The following GPR148 variants were observed in gnomAD, a reference collection of about 807,000 sequenced individuals.
The protein encoded by GPR148 is probable G protein-coupled receptor 148.
For missense variants in GPR148, 424 were observed against 435.3 expected (o/e 0.97, Z 0.23); for synonymous variants, 173 against 187.9 (o/e 0.92, Z 0.65).
chr2:130,729,793 C>A lies in GPR148; in HGVS notation c.642C>A (p.Gly214=), dbSNP rs1371311433. 1 of 1,610,972 alleles carries A rather than the reference C, an allele frequency of 6.2e-7. No individual in the cohort carries two copies. The highest frequency in any genetic ancestry group is 2.2e-5 in the East Asian group (1 of 44,808). The change falls in exon 1 of 1, where the codon GGC becomes GGA. Residue 214 remains glycine, a synonymous_variant. Transcript: ENST00000309926. ...GCATGGGCACCCAGCCGGGATGTGG[C>A]CTCCTGGTCATTGTTACCTACACCT... ...PPSMGTQPGC[G]LLVIVTYTSI... is the part of the protein sequence containing the mutation.
rs749927843 is a variant in GPR148 at position 130,729,210 on chromosome 2, A to G, written c.59A>G (p.Gln20Arg). ...VGTTAWPALI[Q>R]LISKTPCMPQ... ...ACTACAGCTTGGCCGGCCCTGATCC[A>G]GCTCATCAGCAAGACACCCTGCATG... The change falls in exon 1 of 1, where the codon CAG becomes CGG. Residue 20 changes from glutamine to arginine, a missense_variant. By Grantham distance (43) the Gln-to-Arg change is conservative (BLOSUM62 1). Coordinates refer to ENST00000309926, the MANE Select transcript of GPR148 (RefSeq NM_207364.2). The G allele has an allele frequency of 6.3e-7, 1 of 1,583,918 alleles. No homozygotes were observed. Among genetic ancestry groups the G allele is most frequent in the Non-Finnish European group, 8.6e-7 (1 of 1,162,782 alleles).
Position 130,729,553 on chromosome 2 carries a change from C to T in GPR148, c.402C>T (p.Ser134=). 1 of 1,614,194 alleles carries T rather than the reference C, an allele frequency of 6.2e-7. No individual in the cohort carries two copies. Among genetic ancestry groups the T allele is most frequent in the Non-Finnish European group, 8.5e-7 (1 of 1,180,042 alleles). The change falls in exon 1 of 1, where the codon AGC becomes AGT. Residue 134 remains serine (S), a synonymous_variant. Transcript: ENST00000309926. The stretch of plus-strand genomic sequence containing the variant: ...ATGCTGTCTTCGCCGCCTGCACCAG[C>T]ACCATCCTGTCCTTCACCGCCATTG... The part of the protein sequence containing the change: ...LTDAVFAACT[S]TILSFTAIVL...
chr2:130,730,153 C>T lies in GPR148; in HGVS notation c.1002C>T (p.His334=). The T allele has an allele frequency of 6.2e-7, 1 of 1,613,680 alleles. No individual in the cohort carries two copies. The highest frequency in any genetic ancestry group is 1.1e-5 in the South Asian group (1 of 90,960). ...YRQLLGMVRG[H]LPSRRHQAIF... is the part of the protein sequence containing the mutation. ...AGCTGTTGGGCATGGTCCGGGGCCACCTCCCATCCAGGAGGCACCAGGCCA... is the reference window on the plus strand; with the variant it reads ...AGCTGTTGGGCATGGTCCGGGGCCATCTCCCATCCAGGAGGCACCAGGCCA... Residue 334 remains histidine (H), a synonymous_variant, in exon 1 of 1, where the codon CAC becomes CAT. Transcript: ENST00000309926.
chr2:130,729,192 C>G lies in GPR148; in HGVS notation c.41C>G (p.Ala14Gly), dbSNP rs80008074. The G allele has an allele frequency of 0.031, 47,618 of 1,560,780 alleles. 1,661 individuals are homozygous for G. Among genetic ancestry groups the G allele is most frequent in the African/African-American group, 0.18 (13,064 of 73,922 alleles). Residue 14 changes from alanine (A) to glycine (G), a missense_variant, in exon 1 of 1, where the codon GCT becomes GGT. Transcript: ENST00000309926. Reference protein sequence around the residue: ...ELAPCPVGTTAWPALIQLISK... With the variant: ...ELAPCPVGTTGWPALIQLISK... ...GCACCTTGCCCTGTGGGCACTACAGCTTGGCCGGCCCTGATCCAGCTCATC... is the reference window on the plus strand; with the variant it reads ...GCACCTTGCCCTGTGGGCACTACAGGTTGGCCGGCCCTGATCCAGCTCATC...
rs753546027 is a variant in GPR148 at position 130,729,554 on chromosome 2, A to T, written c.403A>T (p.Thr135Ser). 6.2e-7 allele frequency: 1 copy of T among 1,614,122 alleles called. No homozygotes were observed. The highest frequency in any genetic ancestry group is 8.5e-7 in the Non-Finnish European group (1 of 1,180,042). ...TDAVFAACTS[T>S]ILSFTAIVLH... ...TGCTGTCTTCGCCGCCTGCACCAGC[A>T]CCATCCTGTCCTTCACCGCCATTGT... Residue 135 changes from threonine (T) to serine (S), a missense_variant, in exon 1 of 1, where the codon ACC becomes TCC. By Grantham distance (58) the Thr-to-Ser change is moderately conservative. Transcript: ENST00000309926.
rs1251411319 is a variant in GPR148 at position 130,729,844 on chromosome 2, C to T, written c.693C>T (p.Cys231=). 6.3e-7 allele frequency: 1 copy of T among 1,595,776 alleles called. No homozygotes were observed. Among genetic ancestry groups the T allele is most frequent in the Non-Finnish European group, 8.6e-7 (1 of 1,168,912 alleles). Residue 231 remains cysteine (C), a synonymous_variant, in exon 1 of 1, where the codon TGC becomes TGT. Coordinates refer to ENST00000309926, the MANE Select transcript of GPR148 (RefSeq NM_207364.2). ...CCATTCTGTGCGTTCTGTTCCTCTG[C>T]ACAGCTCTCATTGCCAACTGTTTCT... The part of the protein sequence containing the change: ...YTSILCVLFL[C]TALIANCFWR...
chr2:130,729,191 G>T lies in GPR148; in HGVS notation c.40G>T (p.Ala14Ser). 1.9e-6 allele frequency: 3 copies of T among 1,560,556 alleles called. No individual in the cohort carries two copies. The highest frequency in any genetic ancestry group is 2.6e-6 in the Non-Finnish European group (3 of 1,150,692). ...GGCACCTTGCCCTGTGGGCACTACA[G>T]CTTGGCCGGCCCTGATCCAGCTCAT... ...ELAPCPVGTT[A>S]WPALIQLISK... Residue 14 changes from alanine to serine, a missense_variant, in exon 1 of 1, where the codon GCT becomes TCT. Physicochemically the swap from Ala to Ser is moderately conservative, Grantham distance 99. Coordinates refer to ENST00000309926, the MANE Select transcript of GPR148 (RefSeq NM_207364.2).
chr2:130,729,221 A>G lies in GPR148; in HGVS notation c.70A>G (p.Lys24Glu), dbSNP rs751386900. Residue 24 changes from lysine to glutamate, a missense_variant, in exon 1 of 1, where the codon AAG becomes GAG. By Grantham distance (56) the Lys-to-Glu change is moderately conservative (BLOSUM62 1). Transcript: ENST00000309926. The part of the protein sequence containing the change: ...AWPALIQLIS[K>E]TPCMPQAASN... ...GCCGGCCCTGATCCAGCTCATCAGC[A>G]AGACACCCTGCATGCCCCAAGCAGC... The G allele has an allele frequency of 1.9e-6, 3 of 1,595,074 alleles. No individual in the cohort carries two copies. Among genetic ancestry groups the G allele is most frequent in the South Asian group, 1.1e-5 (1 of 87,944 alleles).
rs980781164 is a variant in GPR148, at chr2:130,730,259, C to T, written c.*64C>T. 6 of 1,315,932 alleles carry T rather than the reference C, an allele frequency of 4.6e-6. No homozygotes were observed. The African/African-American group carries it at 7.3e-5, about 16-fold the overall frequency. The allele number at this position is 1,315,932 out of a possible 1,614,324, so 81.5% of individuals were successfully genotyped here. The stretch of plus-strand genomic sequence containing the variant: ...ATCATATGTTGAATGCAGCAGTGTC[C>T]ACTTATGACTAACTTCTTAGAACAG... On this transcript the variant is annotated 3_prime_UTR_variant, in exon 1 of 1. Transcript: ENST00000309926.
In GPR148 at chr2:130,730,216, G is replaced by A; in HGVS notation, c.*21G>A. On this transcript the variant is annotated 3_prime_UTR_variant, in exon 1 of 1. Transcript: ENST00000309926. ...CCTAGAGTTCTTGAGTCCACAGTCT[G>A]GCAAGCTGAGGTTAAAAATCATATG... 1 of 1,574,880 alleles carries A rather than the reference G, an allele frequency of 6.3e-7. No homozygotes were observed.
At position 130,729,884 on chromosome 2, in the gene GPR148, G is replaced by C. The variant is rs757709565; in HGVS notation, c.733G>C (p.Glu245Gln). 16 of 1,592,838 alleles carry C rather than the reference G, an allele frequency of 1.0e-5. No homozygotes were observed. Among genetic ancestry groups the C allele is most frequent in the Non-Finnish European group, 1.4e-5 (16 of 1,169,106 alleles). ...IANCFWRIYA[E>Q]AKTSGIWGQG... ...CAACTGTTTCTGGAGGATCTATGCA[G>C]AGGCCAAGACTTCAGGCATCTGGGG... The change falls in exon 1 of 1, where the codon GAG (glutamate) becomes CAG (glutamine). Residue 245 changes from glutamate to glutamine, a missense_variant. Glu to Gln is a conservative substitution (Grantham distance 29). Transcript: ENST00000309926.
chr2:130,729,105 G>A lies in GPR148; in HGVS notation c.-47G>A, dbSNP rs1425341916. 6.8e-7 allele frequency: 1 copy of A among 1,477,850 alleles called. No homozygotes were observed. Among genetic ancestry groups the A allele is most frequent in the Non-Finnish European group, 9.1e-7 (1 of 1,098,780 alleles). The allele number at this position is 1,477,850 out of a possible 1,614,324, so 91.5% of individuals were successfully genotyped here. ...GGGCAGATCAACACTCAAGGCAGGT[G>A]CAGAATCAACAACCTGTGACAAAGC... On this transcript the variant is annotated 5_prime_UTR_variant, in exon 1 of 1. Transcript: ENST00000309926.
rs1001359097 is a variant in GPR148 at position 130,729,688 on chromosome 2, C to T, written c.537C>T (p.Phe179=). 1.9e-6 allele frequency: 3 copies of T among 1,614,166 alleles called. No individual in the cohort carries two copies. Among genetic ancestry groups the T allele is most frequent in the African/African-American group, 2.7e-5 (2 of 74,956 alleles). Reference sequence around the variant, plus strand: ...TCATCTGGCTGGTGGCCTGCTGCTTCCCCACATTCCTTATTTGGCTCAGCA... The same window carrying T: ...TCATCTGGCTGGTGGCCTGCTGCTTTCCCACATTCCTTATTTGGCTCAGCA... ...VALIWLVACC[F]PTFLIWLSKW... Residue 179 remains phenylalanine, a synonymous_variant, in exon 1 of 1, where the codon TTC becomes TTT. Transcript: ENST00000309926.
Position 130,730,262 on chromosome 2 carries a change from T to C in GPR148, c.*67T>C. ...ATATGTTGAATGCAGCAGTGTCCAC[T>C]TATGACTAACTTCTTAGAACAGCAC... On this transcript the variant is annotated 3_prime_UTR_variant, in exon 1 of 1. Transcript: ENST00000309926. The C allele has an allele frequency of 7.7e-7, 1 of 1,304,750 alleles. No homozygotes were observed. Among genetic ancestry groups the C allele is most frequent in the Non-Finnish European group, 1.1e-6 (1 of 933,100 alleles). 80.8% of individuals were successfully genotyped at this position (1,304,750 alleles called of 1,614,324 possible).
rs755410537 is a variant in GPR148 at position 130,729,589 on chromosome 2, C to T, written c.438C>T (p.Thr146=). Residue 146 remains threonine (T), a synonymous_variant, in exon 1 of 1, where the codon ACC becomes ACT. Coordinates refer to ENST00000309926, the MANE Select transcript of GPR148 (RefSeq NM_207364.2). Reference sequence around the variant, plus strand: ...CCTTCACCGCCATTGTGCTGCACACCTACCTGGCAGTCATCCATCCACTGC... The same window carrying T: ...CCTTCACCGCCATTGTGCTGCACACTTACCTGGCAGTCATCCATCCACTGC... ...ILSFTAIVLH[T]YLAVIHPLRY... The T allele has an allele frequency of 6.2e-7, 1 of 1,614,216 alleles. No individual in the cohort carries two copies. Among genetic ancestry groups the T allele is most frequent in the Admixed American group, 1.7e-5 (1 of 60,032 alleles).
rs1688434447 is a variant in GPR148, at chr2:130,729,162, A to G, written c.11A>G (p.Glu4Gly). The stretch of plus-strand genomic sequence containing the variant: ...TCCCTGCCAGGAAGCATGGGGGATG[A>G]GCTGGCACCTTGCCCTGTGGGCACT... The part of the protein sequence containing the change: MGD[E>G]LAPCPVGTTA... The change falls in exon 1 of 1, where the codon GAG (glutamate) becomes GGG (glycine). Residue 4 changes from glutamate to glycine, a missense_variant. Coordinates refer to ENST00000309926, the MANE Select transcript of GPR148 (RefSeq NM_207364.2). 1.3e-6 allele frequency: 2 copies of G among 1,528,274 alleles called. No homozygotes were observed. The highest frequency in any genetic ancestry group is 2.6e-5 in the South Asian group (2 of 77,758). The allele number at this position is 1,528,274 out of a possible 1,614,324, so 94.7% of individuals were successfully genotyped here. A position where few individuals can be genotyped will look rare whatever the true frequency, so the allele number is the denominator to read the frequency against.
chr2:130,729,834 T>C lies in GPR148; in HGVS notation c.683T>C (p.Leu228Pro). 2 of 1,600,570 alleles carry C rather than the reference T, an allele frequency of 1.2e-6. No individual in the cohort carries two copies. Among genetic ancestry groups the C allele is most frequent in the Non-Finnish European group, 1.7e-6 (2 of 1,171,470 alleles). ...ACCTACACCTCCATTCTGTGCGTTC[T>C]GTTCCTCTGCACAGCTCTCATTGCC... ...IVTYTSILCV[L>P]FLCTALIANC... The change falls in exon 1 of 1, where the codon CTG (leucine) becomes CCG (proline). Residue 228 changes from leucine to proline, a missense_variant. Coordinates refer to ENST00000309926, the MANE Select transcript of GPR148 (RefSeq NM_207364.2).
rs138212672 is a variant in GPR148 at position 130,729,864 on chromosome 2, G to C, written c.713G>C (p.Cys238Ser). Residue 238 changes from cysteine to serine, a missense_variant, in exon 1 of 1, where the codon TGT becomes TCT. Cys to Ser is a moderately radical substitution (Grantham distance 112). Transcript: ENST00000309926. ...LFLCTALIAN[C>S]FWRIYAEAKT... ...CTCTGCACAGCTCTCATTGCCAACT[G>C]TTTCTGGAGGATCTATGCAGAGGCC... is the stretch of plus-strand genomic sequence containing the variant. 53 of 1,594,852 alleles carry C rather than the reference G, an allele frequency of 3.3e-5. No homozygotes were observed. Among genetic ancestry groups the C allele is most frequent in the Non-Finnish European group, 4.3e-5 (50 of 1,169,366 alleles).
rs1016093647 is a variant in GPR148, at chr2:130,729,075, C to T, written c.-77C>T. The stretch of plus-strand genomic sequence containing the variant: ...CAGAGGAGTGGTGCCATCAGGACCC[C>T]TGTGGGGCAGATCAACACTCAAGGC... On this transcript the variant is annotated 5_prime_UTR_variant, in exon 1 of 1. Transcript: ENST00000309926. 2.3e-6 allele frequency: 3 copies of T among 1,286,126 alleles called. No homozygotes were observed. Among genetic ancestry groups the T allele is most frequent in the African/African-American group, 1.5e-5 (1 of 66,890 alleles). The allele number at this position is 1,286,126 out of a possible 1,614,324, so 79.7% of individuals were successfully genotyped here. A position where few individuals can be genotyped will look rare whatever the true frequency, so the allele number is the denominator to read the frequency against.
Sources: allele counts gnomAD v4.1 joint callset, GRCh38; gene constraint gnomAD v4.1.1; transcripts MANE v1.5; gene names NCBI Gene and HGNC (gene_info 2026-07-23, HGNC 2026-07-21).